GDPD4: variants seen among roughly 807,000 people sequenced by gnomAD.
GDPD4 encodes the protein glycerophosphodiester phosphodiesterase 6.
A neutral mutation model predicts 67.8 loss-of-function variants in GDPD4; 60 were observed. The observed-to-expected ratio is 0.88, with a 90% CI of 0.72 to 1.10. GDPD4 has a LOEUF of 1.10. Ranked by LOEUF, GDPD4 falls within the 50% of genes least tolerant of loss-of-function variation. The pLI, the probability that GDPD4 is intolerant of heterozygous loss-of-function variation, is 0.00. For missense variants in GDPD4, 623 were observed against 613.9 expected, an observed-to-expected ratio of 1.01 and a Z score of -0.16; for synonymous variants, 212 against 210.9, an observed-to-expected ratio of 1.00 and a Z score of -0.04.
At chr11:77,219,473 ATTGCCT>A (rs1393202257) in intron 16 of GDPD4, among the ~76,000 whole-genome samples, 5 of 152,134 alleles carry the variant, frequency 3.3e-5, no homozygotes, top group Non-Finnish European at 7.3e-5. Flanking sequence ...CCTGAATGGT[ATTGCCT>A]AGGTTTTCTT....
intron 10 of GDPD4, among the ~76,000 whole-genome samples, chr11:77,259,482 A>G (rs1184043246): frequency 6.6e-6 from 1 of 152,158 alleles, no homozygotes; most frequent in Non-Finnish European, 1.5e-5. Flanking sequence ...ATAAGCCACT[A>G]GAAAACTGGA....
chr11:77,270,418 G>T (rs1009913742), intron 7 of GDPD4, among the ~76,000 whole-genome samples: 1 of 152,186 alleles, frequency 6.6e-6, no homozygotes, highest in African/African-American at 2.4e-5. Context: ...CCTAGTATTA[G>T]TTGAAACTAC....
chr11:77,287,574 G>C (rs1053068173), intron 1 of GDPD4, among the ~76,000 whole-genome samples, 154 bp from the exon 2 acceptor site: 8 of 152,150 alleles, frequency 5.3e-5, no homozygotes, highest in African/African-American at 1.9e-4. Context: ...CAGAAGAATA[G>C]AGTTTCTTCC....
chr11:77,217,911 G>A lies in GDPD4; in HGVS notation c.1526-597C>T, dbSNP rs992296540. ...TTACAATATACAGAGAAATTGCATG[G>A]CCAAAATCTAGAAGAGTGTGAGAAT... On this transcript the variant is annotated intron_variant, in intron 16 of 16. Coordinates refer to ENST00000315938, the MANE Select transcript of GDPD4 (RefSeq NM_182833.3). 3.3e-5 allele frequency among the ~76,000 whole-genome samples: 5 copies of A among 152,150 alleles called. No homozygotes were observed. The East Asian group carries it at 9.6e-4, about 29-fold the overall frequency.
intron 4 of GDPD4, among the ~76,000 whole-genome samples, chr11:77,278,720 A>C (rs1043970665): frequency 6.6e-6 from 1 of 152,228 alleles, no homozygotes; most frequent in Non-Finnish European, 1.5e-5. Context: ...AACTCTGTCT[A>C]AAGTTATCCT....
intron 1 of GDPD4, among the ~76,000 whole-genome samples, chr11:77,288,938 G>C (rs1232134013): frequency 6.7e-6 from 1 of 148,962 alleles, no homozygotes; most frequent in African/African-American, 2.5e-5. Context: ...ATCCGAATGA[G>C]ATAATTCAAT....
At chr11:77,274,725 A>C (rs1269240972) in intron 5 of GDPD4, among the ~76,000 whole-genome samples, 2 of 152,224 alleles carry the variant, frequency 1.3e-5, no homozygotes, top group South Asian at 4.1e-4. Context: ...TTTAAGACTT[A>C]AGGGGACCAC....
At chr11:77,269,434 G>C (rs925860622) in intron 8 of GDPD4, among the ~76,000 whole-genome samples, 2 of 152,130 alleles carry the variant, frequency 1.3e-5, no homozygotes, top group Non-Finnish European at 2.9e-5. Context: ...CCCAGAGCCT[G>C]TAAAGATCAT....
intron 10 of GDPD4, among the ~76,000 whole-genome samples, chr11:77,262,050 C>T (rs1234721378): frequency 6.6e-6 from 1 of 152,174 alleles, no homozygotes; most frequent in East Asian, 1.9e-4. Context: ...CACAGATTCC[C>T]CTTAAATGAT....
At chr11:77,238,920 A>G (rs1184028536) in intron 13 of GDPD4, among the ~76,000 whole-genome samples, 2 of 152,186 alleles carry the variant, frequency 1.3e-5, no homozygotes, top group Non-Finnish European at 2.9e-5. Context: ...AATATCACCA[A>G]TGAAATCCTG....
chr11:77,256,071 A>G (rs1958998656), intron 11 of GDPD4, among the ~76,000 whole-genome samples: 1 of 152,220 alleles, frequency 6.6e-6, no homozygotes, highest in Admixed American at 6.5e-5. Flanking sequence ...TCCAATAACG[A>G]CCAAGAAAAA....
At chr11:77,276,140 A>T (rs751893057) in intron 5 of GDPD4, 21 bp downstream of exon 5, 1 of 1,594,952 alleles carries the variant, frequency 6.3e-7, no homozygotes, top group South Asian at 1.1e-5. Flanking sequence ...AAGGTTTCCT[A>T]TGTGGACTCA....
intron 6 of GDPD4, 26 bp downstream of exon 6, chr11:77,271,269 T>C (rs540234141): frequency 6.2e-7 from 1 of 1,607,954 alleles, no homozygotes; most frequent in Non-Finnish European, 8.5e-7. Flanking sequence ...AGACAGCTAG[T>C]GCTGGAGCTA....
chr11:77,258,102 C>T (rs998390940), intron 11 of GDPD4, among the ~76,000 whole-genome samples: 2 of 152,106 alleles, frequency 1.3e-5, no homozygotes, highest in Non-Finnish European at 2.9e-5. Context: ...ACATGTTAGC[C>T]ATACTGTAAA....
intron 10 of GDPD4, among the ~76,000 whole-genome samples, chr11:77,261,296 G>A (rs139908223): frequency 0.013 from 1,999 of 151,708 alleles, 15 homozygotes; most frequent in Middle Eastern, 0.017. Context: ...GGAGTGTAGC[G>A]GTGCCATCTC....
At chr11:77,277,275 C>T (rs929712507) in intron 4 of GDPD4, among the ~76,000 whole-genome samples, 1 of 151,742 alleles carries the variant, frequency 6.6e-6, no homozygotes, top group Non-Finnish European at 1.5e-5. Context: ...AGCCACCCTC[C>T]AAACCACAAC....
At chr11:77,257,113 C>T (rs1454843472) in intron 11 of GDPD4, among the ~76,000 whole-genome samples, 1 of 152,166 alleles carries the variant, frequency 6.6e-6, no homozygotes, top group Non-Finnish European at 1.5e-5. Context: ...TACACTACTA[C>T]CGTATAAGTG....
At chr11:77,227,958 G>T in intron 15 of GDPD4, 42 bp from the exon 16 acceptor site, 1 of 1,338,190 alleles carries the variant, frequency 7.5e-7, no homozygotes, top group African/African-American at 1.4e-5. Flanking sequence ...GGGGTCTAAA[G>T]AATCATGGTC....
intron 2 of GDPD4, among the ~76,000 whole-genome samples, chr11:77,285,736 T>C (rs1348061258): frequency 6.6e-6 from 1 of 152,170 alleles, no homozygotes; most frequent in Non-Finnish European, 1.5e-5. Flanking sequence ...CCATATGAGT[T>C]GGGCATCAAC....
Sources: allele counts gnomAD v4.1 joint callset (sites outside exome capture counted in the v4.1 genomes callset), GRCh38; gene constraint gnomAD v4.1.1; transcripts MANE v1.5; gene names NCBI Gene and HGNC (gene_info 2026-07-23, HGNC 2026-07-21).